Variants in MDGA2 observed in about 807,000 individuals in gnomAD.
MDGA2 encodes the protein MAM domain-containing glycosylphosphatidylinositol anchor protein 2.
A neutral mutation model predicts 117.8 loss-of-function variants in MDGA2; 40 were observed. The observed-to-expected ratio is 0.34, with a 90% CI of 0.26 to 0.44. MDGA2 has a LOEUF of 0.44. MDGA2 is among the 20% of genes least tolerant of loss of function. MDGA2 has a pLI of 1.00. For synonymous variants in MDGA2, 452 were observed against 439.0 expected, an observed-to-expected ratio of 1.03 and a Z score of -0.37; for missense variants, 1,123 against 1,250.6, an observed-to-expected ratio of 0.90 and a Z score of 1.54.
chr14:47,431,685 A>G (rs1892802613), intron 1 of MDGA2, among the ~76,000 whole-genome samples: 2 of 152,066 alleles, frequency 1.3e-5, no homozygotes, highest in Non-Finnish European at 2.9e-5. Flanking sequence ...TCATATTATT[A>G]CAAAAATAAG....
chr14:46,907,323 C>A (rs1009143986), intron 10 of MDGA2, among the ~76,000 whole-genome samples: 135 of 152,112 alleles, frequency 8.9e-4, no homozygotes, highest in African/African-American at 3.2e-3. Flanking sequence ...TTTGCATTTT[C>A]ATCTTCCACT....
intron 6 of MDGA2, among the ~76,000 whole-genome samples, chr14:47,065,648 T>C (rs1351169875): frequency 1.3e-5 from 2 of 152,178 alleles, no homozygotes; most frequent in East Asian, 3.8e-4. Flanking sequence ...AAGTATGCAA[T>C]ACATAGTAAT....
intron 8 of MDGA2, among the ~76,000 whole-genome samples, chr14:46,975,403 C>T (rs75885861): frequency 0.12 from 17,483 of 151,992 alleles, 1,857 homozygotes; most frequent in African/African-American, 0.25. Context: ...AGGTTCATAT[C>T]GGCATTATTC....
At chr14:47,047,852 T>C (rs2138708808) in intron 7 of MDGA2, among the ~76,000 whole-genome samples, 1 of 152,054 alleles carries the variant, frequency 6.6e-6, no homozygotes, top group East Asian at 1.9e-4. Flanking sequence ...TAAATTTTAT[T>C]GCTGTTGTCT....
At chr14:47,514,137 T>C (rs554480601) in intron 1 of MDGA2, among the ~76,000 whole-genome samples, 2 of 152,280 alleles carry the variant, frequency 1.3e-5, no homozygotes, top group African/African-American at 4.8e-5. Flanking sequence ...TGTTTTCAAT[T>C]CGTTTGTTTT....
intron 7 of MDGA2, among the ~76,000 whole-genome samples, chr14:47,044,372 C>T (rs1889182594): frequency 6.6e-6 from 1 of 152,060 alleles, no homozygotes. Context: ...ATATTGGAAG[C>T]ACTTGGTAAT....
chr14:46,916,480 A>T (rs1293404836), intron 10 of MDGA2, among the ~76,000 whole-genome samples: 7 of 152,044 alleles, frequency 4.6e-5, no homozygotes, highest in East Asian at 1.9e-4. Context: ...TTAAAAAGGA[A>T]TTTTTTAAAA....
At chr14:47,301,784 T>A (rs1315861686) in intron 1 of MDGA2, among the ~76,000 whole-genome samples, 1 of 152,140 alleles carries the variant, frequency 6.6e-6, no homozygotes, top group Non-Finnish European at 1.5e-5. Context: ...TGGAAGAACC[T>A]CAGGAAATCA....
At chr14:47,576,108 G>A (rs182722561) in intron 1 of MDGA2, among the ~76,000 whole-genome samples, 1 of 152,172 alleles carries the variant, frequency 6.6e-6, no homozygotes, top group African/African-American at 2.4e-5. Context: ...CTGTTTATAT[G>A]TATGCTTATA....
chr14:47,019,189 A>G (rs1187148362), intron 8 of MDGA2, among the ~76,000 whole-genome samples: 3 of 152,232 alleles, frequency 2.0e-5, no homozygotes, highest in Non-Finnish European at 4.4e-5. Context: ...CTTGAAAAGA[A>G]TGAAGCATTA....
intron 1 of MDGA2, among the ~76,000 whole-genome samples, chr14:47,437,651 C>A (rs1002221617): frequency 4.6e-5 from 7 of 152,100 alleles, no homozygotes; most frequent in African/African-American, 1.7e-4. Context: ...CTGTGTGAAA[C>A]AAATCAGCCT....
intron 7 of MDGA2, among the ~76,000 whole-genome samples, chr14:47,043,823 G>A (rs1016067428): frequency 6.6e-6 from 1 of 152,052 alleles, no homozygotes; most frequent in Non-Finnish European, 1.5e-5. Flanking sequence ...CTTCAGGAAT[G>A]AGTTTGACCT....
chr14:46,854,418 C>T (rs948543800), intron 15 of MDGA2, among the ~76,000 whole-genome samples: 5 of 151,580 alleles, frequency 3.3e-5, no homozygotes, highest in Non-Finnish European at 7.4e-5. Context: ...ACTGAAATAG[C>T]TTAATGATCT....
chr14:46,987,943 CGTGT>C (rs1886926556), intron 8 of MDGA2, among the ~76,000 whole-genome samples: 1 of 149,380 alleles, frequency 6.7e-6, no homozygotes, highest in Non-Finnish European at 1.5e-5. Flanking sequence ...GGGGTGCGCG[CGTGT>C]GTGTATGTTG....
intron 6 of MDGA2, among the ~76,000 whole-genome samples, chr14:47,074,423 C>T (rs1420337166): frequency 6.6e-6 from 1 of 152,030 alleles, no homozygotes; most frequent in African/African-American, 2.4e-5. Context: ...CTCAGCCTCC[C>T]GAGTAGCTGG....
At chr14:46,881,622 T>A (rs1482734324) in intron 11 of MDGA2, among the ~76,000 whole-genome samples, 31 of 152,114 alleles carry the variant, frequency 2.0e-4, no homozygotes, top group Admixed American at 2.0e-3. Flanking sequence ...TCCTGCCAAT[T>A]TTCTGTAAAC....
At chr14:47,552,259 A>T (rs1297419279) in intron 1 of MDGA2, among the ~76,000 whole-genome samples, 1 of 152,172 alleles carries the variant, frequency 6.6e-6, no homozygotes, top group Non-Finnish European at 1.5e-5. Context: ...TGACTGTCGT[A>T]TGTATCCCTC....
chr14:47,040,279 T>C (rs377490795), intron 7 of MDGA2, among the ~76,000 whole-genome samples: 4 of 152,124 alleles, frequency 2.6e-5, no homozygotes, highest in Non-Finnish European at 5.9e-5. Flanking sequence ...GAAAGAACTA[T>C]ACCAGAACAC....
rs538489346 is a variant in MDGA2 at position 47,618,783 on chromosome 14, G to A, written c.280+55734C>T. On this transcript the variant is annotated intron_variant, in intron 1 of 16. Coordinates refer to ENST00000399232, the MANE Select transcript of MDGA2 (RefSeq NM_001113498.3). ...AACAAAAAAACTAAGCCATGATGACGCAAAATAACACAGCTTTGGATCCAT... is the reference window on the plus strand; with the variant it reads ...AACAAAAAAACTAAGCCATGATGACACAAAATAACACAGCTTTGGATCCAT... Among the ~76,000 whole-genome samples, 88 of 152,174 alleles carry A rather than the reference G, an allele frequency of 5.8e-4. No homozygotes were observed. The South Asian group carries it at 7.3e-3, about 13-fold the overall frequency.
Sources: gnomAD v4.1 joint callset for allele counts (sites outside exome capture counted in the v4.1 genomes callset) on GRCh38, gnomAD v4.1.1 for gene constraint, MANE v1.5 for transcripts, NCBI Gene and HGNC (gene_info 2026-07-23, HGNC 2026-07-21) for gene names.